The following MED4 variants were observed in gnomAD, a reference collection of about 807,000 sequenced individuals.
MED4 encodes mediator complex subunit 4.
In MED4, 21 loss-of-function variants were observed where a neutral mutation model predicts 35.0. The observed-to-expected ratio is 0.60, with a 90% CI of 0.43 to 0.86. The LOEUF is 0.86. MED4 is among the 40% of genes least tolerant of loss of function. The pLI is 0.00. For synonymous variants in MED4, 138 were observed against 114.0 expected (o/e 1.21, Z -1.34); for missense variants, 300 against 319.4 (o/e 0.94, Z 0.46).
rs1950848997 is a variant in MED4, at chr13:48,086,396, T to C, written c.249A>G (p.Ala83=). The C allele has an allele frequency of 6.2e-7, 1 of 1,613,628 alleles. No individual in the cohort carries two copies. The highest frequency in any genetic ancestry group is 8.5e-7 in the Non-Finnish European group (1 of 1,179,894). ...CATGATGAATTTTTCCCTGATTAAG[T>C]GCCAATTTCATTAGTTCTTGAAATT... ...DGEFQELMKL[A]LNQGKIHHEM... Residue 83 remains alanine, a synonymous_variant, in exon 3 of 7, where the codon GCA becomes GCG. Transcript: ENST00000258648.
chr13:48,079,705 A>G, intron 6 of MED4, 139 bp downstream of exon 6: 1 of 1,005,672 alleles, frequency 9.9e-7, no homozygotes, highest in Non-Finnish European at 1.4e-6. Context: ...CCTGGGTGAC[A>G]TAACAAGACT....
chr13:48,078,185 A>C (rs1356075661), intron 6 of MED4, among the ~76,000 whole-genome samples: 1 of 152,216 alleles, frequency 6.6e-6, no homozygotes, highest in Non-Finnish European at 1.5e-5. Context: ...TCAAATAAAG[A>C]AGGCAGATTT....
At chr13:48,087,944 A>G (rs914136367) in intron 2 of MED4, among the ~76,000 whole-genome samples, 2 of 152,200 alleles carry the variant, frequency 1.3e-5, no homozygotes, top group Non-Finnish European at 2.9e-5. Flanking sequence ...AACACATAAA[A>G]TAGAAAGTCT....
At chr13:48,085,480 C>G (rs988302746) in intron 3 of MED4, among the ~76,000 whole-genome samples, 1 of 152,196 alleles carries the variant, frequency 6.6e-6, no homozygotes, top group Non-Finnish European at 1.5e-5. Context: ...CATTAGCCAC[C>G]ATGCCCGGCC....
intron 1 of MED4, among the ~76,000 whole-genome samples, chr13:48,093,191 A>G (rs992258257): frequency 2.6e-5 from 4 of 152,250 alleles, no homozygotes; most frequent in African/African-American, 7.2e-5. Context: ...CAGAATTAAC[A>G]GGCTGGTGTG....
chr13:48,092,051 G>C (rs1950893557), intron 1 of MED4, among the ~76,000 whole-genome samples: 1 of 152,184 alleles, frequency 6.6e-6, no homozygotes, highest in South Asian at 2.1e-4. Flanking sequence ...CAGGTGGCTA[G>C]GGGTGAGATT....
intron 4 of MED4, among the ~76,000 whole-genome samples, chr13:48,082,826 C>CA (rs66859292): frequency 0.079 from 10,808 of 136,010 alleles, 422 homozygotes; most frequent in South Asian, 0.13. Flanking sequence ...GACTCCGTCT[C>CA]AAAAAAAAAA....
intron 3 of MED4, among the ~76,000 whole-genome samples, chr13:48,084,265 C>CAAAAAAAAAAAAAAAA (rs71099664): frequency 9.1e-6 from 1 of 109,974 alleles, no homozygotes; most frequent in African/African-American, 3.6e-5. Flanking sequence ...GACTCTGTCT[C>CAAAAAAAAAAAAAAAA]AAAAAAAAAA....
At chr13:48,084,106 CA>C (rs1168920112) in intron 3 of MED4, among the ~76,000 whole-genome samples, 1 of 151,904 alleles carries the variant, frequency 6.6e-6, no homozygotes, top group Non-Finnish European at 1.5e-5. Context: ...ACTAAAAATA[CA>C]AAAAATTTAT....
intron 5 of MED4, among the ~76,000 whole-genome samples, chr13:48,080,396 CAAAAAAAA>C (rs57198503): frequency 1.5e-4 from 10 of 68,816 alleles, no homozygotes; most frequent in African/African-American, 5.1e-4. Context: ...GACCCTGTCT[CAAAAAAAA>C]AAAAAAAAAA....
chr13:48,095,081 T>C lies in MED4; in HGVS notation c.-3A>G, dbSNP rs749873664. ...TCACCACTCGAAGACGCAGCCATTT[T>C]CCCCAGAGTCCCGCCACCGGCGCAC... On this transcript the variant is annotated 5_prime_UTR_variant, in exon 1 of 7. Transcript: ENST00000258648. The C allele has an allele frequency of 1.2e-6, 2 of 1,602,226 alleles. No homozygotes were observed. The highest frequency in any genetic ancestry group is 1.1e-5 in the South Asian group (1 of 91,084).
At chr13:48,083,195 A>C (rs1180672879) in intron 4 of MED4, among the ~76,000 whole-genome samples, 176 bp downstream of exon 4, 1 of 152,248 alleles carries the variant, frequency 6.6e-6, no homozygotes, top group African/African-American at 2.4e-5. Context: ...AAGATGTGAT[A>C]CTTCTACCTC....
At chr13:48,094,914 C>T (rs768776161) in intron 1 of MED4, 40 bp downstream of exon 1, 38 of 1,595,074 alleles carry the variant, frequency 2.4e-5, no homozygotes, top group South Asian at 3.3e-5. Context: ...GTCAGTCCCC[C>T]GGCCCAGCTC....
In MED4 at chr13:48,076,005, TA is replaced by T. The variant is rs1411311390; in HGVS notation, c.*1133del. The T allele has an allele frequency of 2.6e-5, 4 of 152,228 alleles. No homozygotes were observed. In the East Asian group the frequency reaches 7.7e-4, roughly 29 times the overall value. The allele number at this position is 152,228 out of a possible 1,614,324, so 9.4% of individuals were successfully genotyped here. On this transcript the variant is annotated 3_prime_UTR_variant, in exon 7 of 7. Coordinates refer to ENST00000258648, the MANE Select transcript of MED4 (RefSeq NM_014166.4). ...CATTTGAAGAATACAGATTAGCAAT[TA>T]AAAAATACAGCAGTATCTCAGGAAA...
intron 5 of MED4, among the ~76,000 whole-genome samples, chr13:48,081,384 T>C (rs139211391): frequency 6.6e-6 from 1 of 152,362 alleles, no homozygotes; most frequent in African/African-American, 2.4e-5. Context: ...ATCACATTAT[T>C]ATCTCGTACT....
intron 5 of MED4, among the ~76,000 whole-genome samples, chr13:48,080,891 A>T (rs1004685245): frequency 2.0e-5 from 3 of 152,204 alleles, no homozygotes. Flanking sequence ...AGGAGCAGGT[A>T]ATGTCCATCC....
Position 48,079,883 on chromosome 13 carries a change from G to A in MED4, c.601C>T (p.His201Tyr). The change falls in exon 6 of 7, where the codon CAT (histidine) becomes TAT (tyrosine). Residue 201 changes from histidine (H) to tyrosine (Y), a missense_variant. By Grantham distance (83) the His-to-Tyr change is moderately conservative. Transcript: ENST00000258648. ...NNPSTNGVNGHLPGDALAAGR... is the reference protein window; with the variant it reads ...NNPSTNGVNGYLPGDALAAGR... ...GCTGCAAGTGCATCTCCTGGTAAAT[G>A]GCCATTCACGCCATTAGTGGAAGGA... is the stretch of plus-strand genomic sequence containing the variant. 2 of 1,613,780 alleles carry A rather than the reference G, an allele frequency of 1.2e-6. No homozygotes were observed. The highest frequency in any genetic ancestry group is 1.7e-6 in the Non-Finnish European group (2 of 1,179,856).
chr13:48,093,995 G>A (rs1259342265), intron 1 of MED4, among the ~76,000 whole-genome samples: 1 of 152,200 alleles, frequency 6.6e-6, no homozygotes, highest in Non-Finnish European at 1.5e-5. Flanking sequence ...ACTGGGAATG[G>A]CACTGAAGAT....
intron 2 of MED4, among the ~76,000 whole-genome samples, chr13:48,088,447 AAAAGT>A (rs1305821801): frequency 1.3e-5 from 2 of 152,216 alleles, no homozygotes; most frequent in African/African-American, 4.8e-5. Flanking sequence ...TTTTTCTGTA[AAAAGT>A]AAAGTATATT....
Sources: gnomAD v4.1 joint callset for allele counts (sites outside exome capture counted in the v4.1 genomes callset) on GRCh38, gnomAD v4.1.1 for gene constraint, MANE v1.5 for transcripts, NCBI Gene and HGNC (gene_info 2026-07-23, HGNC 2026-07-21) for gene names.